The following DDB1 variants were observed in gnomAD, a reference collection of about 807,000 sequenced individuals.
DDB1 encodes damage specific DNA binding protein 1.
Under a neutral mutation model 133.1 loss-of-function variants are expected in DDB1, and 18 were observed. The ratio of observed to expected loss-of-function variants is 0.14; its 90% CI spans 0.09 to 0.20. The LOEUF (loss-of-function observed/expected upper bound fraction) is 0.20. Ranked by LOEUF, DDB1 falls within the 10% of genes least tolerant of loss-of-function variation. The pLI is 1.00. For synonymous variants in DDB1, 580 were observed against 550.5 expected, an observed-to-expected ratio of 1.05 and a Z score of -0.75; for missense variants, 828 against 1,459.2, an observed-to-expected ratio of 0.57 and a Z score of 7.05.
At chr11:61,316,808 C>T (rs1405832610) in intron 10 of DDB1, among the ~76,000 whole-genome samples, 2 of 149,038 alleles carry the variant, frequency 1.3e-5, no homozygotes, top group Admixed American at 1.4e-4. Flanking sequence ...ACTATAGTCC[C>T]AGCTACATGG....
At position 61,302,431 on chromosome 11, in the gene DDB1, A is replaced by C; in HGVS notation, c.3113-72T>G. On this transcript the variant is annotated intron_variant, in intron 24 of 26. Coordinates refer to ENST00000301764, the MANE Select transcript of DDB1 (RefSeq NM_001923.5). Reference sequence around the variant, plus strand: ...AGCATGTATCCTCTACGTAAAGGGCAGCCCAGGTGAGCAGCTCAGGGAGGG... The same window carrying C: ...AGCATGTATCCTCTACGTAAAGGGCCGCCCAGGTGAGCAGCTCAGGGAGGG... The C allele has an allele frequency of 1.9e-6, 3 of 1,579,088 alleles. No homozygotes were observed. The East Asian group carries it at 6.7e-5, about 35-fold the overall frequency.
At chr11:61,325,965 C>A (rs1465707763) in intron 5 of DDB1, 1 of 547,812 alleles carries the variant, frequency 1.8e-6, no homozygotes, top group East Asian at 3.2e-5. Context: ...GGAGTCTTCT[C>A]CATGTTCTTC....
intron 6 of DDB1, 26 bp from the exon 7 acceptor site, chr11:61,324,163 T>C (rs1003921553): frequency 1.2e-6 from 2 of 1,613,472 alleles, no homozygotes; most frequent in African/African-American, 2.7e-5. Flanking sequence ...AAACAGTCAT[T>C]AGAGATTCAG....
In DDB1 at chr11:61,326,327, T is replaced by TG. The variant is rs537579552; in HGVS notation, c.664+451_664+452insC. 589 of 223,788 alleles carry TG rather than the reference T, an allele frequency of 2.6e-3. 5 individuals are homozygous for TG. Among genetic ancestry groups the TG allele is most frequent in the African/African-American group, 0.013 (549 of 41,520 alleles). 13.9% of individuals were successfully genotyped at this position (223,788 alleles called of 1,614,324 possible). A position where few individuals can be genotyped will look rare whatever the true frequency, so the allele number is the denominator to read the frequency against. On this transcript the variant is annotated intron_variant, in intron 5 of 26. Coordinates refer to ENST00000301764, the MANE Select transcript of DDB1 (RefSeq NM_001923.5). ...CTCCCTTTCAGTTTTTTGTTGTTGT[T>TG]TTTTTTTTTAAAGAGATGGGGTCTC...
Position 61,302,871 on chromosome 11 carries a change from T to C in DDB1, c.2943-120A>G, listed in dbSNP as rs1469230614. 4 of 1,371,802 alleles carry C rather than the reference T, an allele frequency of 2.9e-6. No individual in the cohort carries two copies. In the South Asian group the frequency reaches 5.2e-5, roughly 18 times the overall value. The allele number at this position is 1,371,802 out of a possible 1,614,324, so 85.0% of individuals were successfully genotyped here. A position where few individuals can be genotyped will look rare whatever the true frequency, so the allele number is the denominator to read the frequency against. On this transcript the variant is annotated intron_variant, in intron 23 of 26. Coordinates refer to ENST00000301764, the MANE Select transcript of DDB1 (RefSeq NM_001923.5). ...CCTGGGGAGCTGACATACTCCACAG[T>C]AGGGGAGCCAGTCTAAAGAGGTGGA... is the stretch of plus-strand genomic sequence containing the variant.
intron 3 of DDB1, 51 bp from the exon 4 acceptor site, chr11:61,329,635 C>G (rs1223055704): frequency 6.5e-7 from 1 of 1,529,810 alleles, no homozygotes; most frequent in Non-Finnish European, 8.9e-7. Context: ...CACAGAGCAA[C>G]AGAGGACGCT....
chr11:61,332,553 A>G (rs1286316223), intron 1 of DDB1: 2 of 213,702 alleles, frequency 9.4e-6, no homozygotes, highest in Non-Finnish European at 1.8e-5. Context: ...CTTGACCCCA[A>G]AGTCGTCATT....
At chr11:61,313,730 G>T (rs1175180651) in intron 15 of DDB1, 24 bp from the exon 16 acceptor site, 4 of 1,585,630 alleles carry the variant, frequency 2.5e-6, no homozygotes, top group Non-Finnish European at 3.4e-6. Flanking sequence ...GACATCAGGA[G>T]AAAGGAAGAA....
rs11556192 is a variant in DDB1 at position 61,310,380 on chromosome 11, G to A, written c.2316C>T (p.Ser772=). 2 of 1,613,060 alleles carry A rather than the reference G, an allele frequency of 1.2e-6. No individual in the cohort carries two copies. Among genetic ancestry groups the A allele is most frequent in the Non-Finnish European group, 1.7e-6 (2 of 1,179,684 alleles). Residue 772 remains serine (S), a synonymous_variant, in exon 19 of 27, where the codon TCC becomes TCT. Coordinates refer to ENST00000301764, the MANE Select transcript of DDB1 (RefSeq NM_001923.5). ...AGGTCTCATGAGGAGCAGTGCTGCT[G>A]GAGAACAGCTTGCTGGAGCTTACAC... ...SSSVSSSKLF[S]SSTAPHETSF... is the part of the protein sequence containing the mutation.
intron 12 of DDB1, 27 bp from the exon 13 acceptor site, chr11:61,314,513 T>C: frequency 1.3e-6 from 2 of 1,587,454 alleles, no homozygotes; most frequent in East Asian, 4.5e-5. Context: ...TGAACAAATG[T>C]CTCCAAGCAT....
At position 61,302,369 on chromosome 11, in the gene DDB1, TGAA is replaced by T. The variant is rs764880050; in HGVS notation, c.3113-13_3113-11del. On this transcript the variant is annotated splice_polypyrimidine_tract_variant and intron_variant, in intron 24 of 26. Coordinates refer to ENST00000301764, the MANE Select transcript of DDB1 (RefSeq NM_001923.5). The stretch of plus-strand genomic sequence containing the variant: ...AGTGAGGTCACCAGCCCTGAAGAAG[TGAA>T]GGAGGCAGTGAGCTGCAGAGAGCTC... 8 of 1,613,628 alleles carry T rather than the reference TGAA, an allele frequency of 5.0e-6. No individual in the cohort carries two copies. The South Asian group carries it at 8.8e-5, about 18-fold the overall frequency.
intron 12 of DDB1, chr11:61,315,911 C>T (rs542372655): frequency 6.1e-6 from 1 of 164,534 alleles, no homozygotes; most frequent in Admixed American, 6.1e-5. Flanking sequence ...TTGGCATTTT[C>T]TAATTTTATA....
chr11:61,328,351 T>C (rs576804396), intron 4 of DDB1, among the ~76,000 whole-genome samples: 172 of 152,228 alleles, frequency 1.1e-3, no homozygotes, highest in Non-Finnish European at 1.9e-3. Flanking sequence ...GCCAACACAC[T>C]CTATGTGGAA....
chr11:61,303,032 T>G lies in DDB1; in HGVS notation c.2942+14A>C. ...CAGCCCTCCCCACCACTCCCAGAGC[T>G]GGCCACTACTCACCTATCCTTTTGA... On this transcript the variant is annotated intron_variant, in intron 23 of 26. Transcript: ENST00000301764. 6.2e-7 allele frequency: 1 copy of G among 1,611,350 alleles called. No homozygotes were observed. The highest frequency in any genetic ancestry group is 8.5e-7 in the Non-Finnish European group (1 of 1,177,524).
chr11:61,332,171 GTCT>G, intron 1 of DDB1: 2 of 158,240 alleles, frequency 1.3e-5, no homozygotes, highest in Non-Finnish European at 2.8e-5. Flanking sequence ...CCTCCTGGCA[GTCT>G]ACCAATACCT....
At chr11:61,323,513 G>A (rs967201290) in intron 7 of DDB1, 31 of 242,412 alleles carry the variant, frequency 1.3e-4, no homozygotes, top group African/African-American at 6.8e-4. Flanking sequence ...CCCGGGCTAA[G>A]GTGATCCTCC....
rs1855763702 is a variant in DDB1 at position 61,299,893 on chromosome 11, T to C, written c.*243A>G. The C allele has an allele frequency of 1.8e-6, 1 of 558,970 alleles. No homozygotes were observed. The highest frequency in any genetic ancestry group is 3.1e-5 in the Admixed American group (1 of 32,624). 34.6% of individuals were successfully genotyped at this position (558,970 alleles called of 1,614,324 possible). A position where few individuals can be genotyped will look rare whatever the true frequency, so the allele number is the denominator to read the frequency against. ...GGCAACACCAATCAAGGCTTGGTGG[T>C]CTAAGGTGATGGCTGGAATCATGTG... is the stretch of plus-strand genomic sequence containing the variant. On this transcript the variant is annotated 3_prime_UTR_variant, in exon 27 of 27. Transcript: ENST00000301764.
intron 16 of DDB1, among the ~76,000 whole-genome samples, chr11:61,312,504 CTCTTT>C: frequency 7.1e-6 from 1 of 140,140 alleles, no homozygotes; most frequent in South Asian, 2.1e-4. Context: ...CTCTCTCTCT[CTCTTT>C]TTTTTTTTTT....
intron 10 of DDB1, among the ~76,000 whole-genome samples, chr11:61,316,952 T>TAG (rs1856086293): frequency 1.4e-4 from 1 of 6,948 alleles, no homozygotes; most frequent in Non-Finnish European, 2.5e-4. Flanking sequence ...GATAGATATA[T>TAG]ATATATATAT....
Sources: gnomAD v4.1 joint callset for allele counts (sites outside exome capture counted in the v4.1 genomes callset) on GRCh38, gnomAD v4.1.1 for gene constraint, MANE v1.5 for transcripts, NCBI Gene and HGNC (gene_info 2026-07-23, HGNC 2026-07-21) for gene names.